Variants in NLGN4X observed in about 807,000 individuals in gnomAD.
NLGN4X encodes neuroligin-4, X-linked.
NLGN4X carries 3 observed loss-of-function variants against 40.3 expected under a neutral mutation model. The ratio of observed to expected loss-of-function variants is 0.07; its 90% CI spans 0.03 to 0.19. The LOEUF is 0.19. Ranked by LOEUF, NLGN4X falls within the 10% of genes least tolerant of loss-of-function variation. The pLI is 1.00. For missense variants in NLGN4X, 382 were observed against 708.3 expected, an observed-to-expected ratio of 0.54 and a Z score of 5.23; for synonymous variants, 270 against 306.8, an observed-to-expected ratio of 0.88 and a Z score of 1.25.
At chrX:5,967,143 G>A (rs1337982180) in intron 3 of NLGN4X, among the ~76,000 whole-genome samples, 1 of 111,172 alleles carries the variant, frequency 9.0e-6, no homozygotes, top group East Asian at 2.8e-4. Context: ...TATCATGGGG[G>A]GAAGAGATTA....
intron 3 of NLGN4X, among the ~76,000 whole-genome samples, chrX:5,935,877 C>T (rs1023503016): frequency 2.7e-5 from 3 of 111,336 alleles, no homozygotes; most frequent in Non-Finnish European, 5.7e-5. Flanking sequence ...AAAAGCAGAG[C>T]GAACAATATA....
In NLGN4X at chrX:5,892,878, G is replaced by T. The variant is rs1232376219; in HGVS notation, c.2390C>A (p.Thr797Asn). 2.5e-6 allele frequency: 3 copies of T among 1,211,350 alleles called. No individual in the cohort carries two copies. Among genetic ancestry groups the T allele is most frequent in the Non-Finnish European group, 3.4e-6 (3 of 895,359 alleles). The change falls in exon 6 of 6, where the codon ACC (threonine) becomes AAC (asparagine). Residue 797 changes from threonine (T) to asparagine (N), a missense_variant. Physicochemically the swap from Thr to Asn is moderately conservative, Grantham distance 65. This residue lies in a region of NLGN4X where 57 missense variants were observed against 65.6 expected (regional missense o/e 0.87). Transcript: ENST00000381095. ...TGTACTGTTTTGTCCTCCACTGAAG[G>T]TGTTAAAAGTGTGCAAAGGCTGCAT... is the stretch of plus-strand genomic sequence containing the variant. ...TGMQPLHTFN[T>N]FSGGQNSTNL...
chrX:5,904,943 C>T (rs1237057374), intron 4 of NLGN4X, among the ~76,000 whole-genome samples: 1 of 111,001 alleles, frequency 9.0e-6, no homozygotes, highest in Non-Finnish European at 1.9e-5. Flanking sequence ...AGATGACACA[C>T]AGGACCGCAA....
chrX:6,184,815 T>G (rs759041129), intron 1 of NLGN4X, among the ~76,000 whole-genome samples: 1 of 112,596 alleles, frequency 8.9e-6, no homozygotes, highest in East Asian at 2.8e-4. Context: ...GTGAAGGAAC[T>G]CCACTCAGGA....
chrX:6,046,656 T>C (rs2037325317), intron 2 of NLGN4X, among the ~76,000 whole-genome samples: 1 of 111,071 alleles, frequency 9.0e-6, no homozygotes, highest in Non-Finnish European at 1.9e-5. Flanking sequence ...TTGCTGCATA[T>C]ATATATGCGC....
chrX:6,066,578 G>A (rs2037922267), intron 2 of NLGN4X, among the ~76,000 whole-genome samples: 1 of 110,710 alleles, frequency 9.0e-6, no homozygotes, highest in African/African-American at 3.3e-5. Context: ...GAGGTCAGGA[G>A]TTCGAGACCA....
At chrX:6,202,962 C>T (rs1923757293) in intron 1 of NLGN4X, among the ~76,000 whole-genome samples, 1 of 112,323 alleles carries the variant, frequency 8.9e-6, no homozygotes, top group Admixed American at 9.4e-5. Flanking sequence ...TCCAATGCCT[C>T]TGCAGAGCCT....
At chrX:6,047,192 T>A (rs1356175174) in intron 2 of NLGN4X, among the ~76,000 whole-genome samples, 1 of 111,136 alleles carries the variant, frequency 9.0e-6, no homozygotes, top group African/African-American at 3.3e-5. Context: ...GTAGTGGTCT[T>A]AGCAAGTGTG....
intron 1 of NLGN4X, among the ~76,000 whole-genome samples, chrX:6,212,151 C>G: frequency 9.2e-6 from 1 of 108,742 alleles, no homozygotes; most frequent in Non-Finnish European, 1.9e-5. Context: ...GAGGCTGAGA[C>G]AGGAGAATGG....
intron 3 of NLGN4X, among the ~76,000 whole-genome samples, chrX:5,994,720 T>C (rs760981019): frequency 2.7e-5 from 3 of 112,016 alleles, no homozygotes; most frequent in South Asian, 3.7e-4. Flanking sequence ...AATGCAGTGA[T>C]CCCTAAGGGA....
At chrX:6,139,935 T>C (rs1206897701) in intron 2 of NLGN4X, among the ~76,000 whole-genome samples, 1 of 111,486 alleles carries the variant, frequency 9.0e-6, no homozygotes, top group Non-Finnish European at 1.9e-5. Flanking sequence ...AGAGTCTAGA[T>C]TGGAATTAGG....
At chrX:5,899,158 T>C (rs928291020) in intron 5 of NLGN4X, among the ~76,000 whole-genome samples, 1 of 112,494 alleles carries the variant, frequency 8.9e-6, no homozygotes, top group African/African-American at 3.2e-5. Context: ...TGAGGAATCA[T>C]TTGAGTCATT....
chrX:5,927,902 A>G (rs2033393518), intron 3 of NLGN4X, among the ~76,000 whole-genome samples: 3 of 112,661 alleles, frequency 2.7e-5, no homozygotes, highest in Admixed American at 9.4e-5. Flanking sequence ...CCAGCTATAC[A>G]GGTTAAAACA....
intron 1 of NLGN4X, among the ~76,000 whole-genome samples, chrX:6,222,716 A>G (rs999359626): frequency 5.3e-5 from 6 of 112,705 alleles, no homozygotes; most frequent in African/African-American, 1.9e-4. Context: ...CTTGGATTGT[A>G]GCTCCCATAA....
At chrX:6,173,460 A>C (rs894227746) in intron 1 of NLGN4X, among the ~76,000 whole-genome samples, 5 of 111,748 alleles carry the variant, frequency 4.5e-5, no homozygotes, top group Non-Finnish European at 7.5e-5. Context: ...ATGAAACCAA[A>C]AAAAGATGAC....
At chrX:6,215,273 G>A (rs1023286539) in intron 1 of NLGN4X, among the ~76,000 whole-genome samples, 23 of 111,390 alleles carry the variant, frequency 2.1e-4, no homozygotes, top group African/African-American at 7.5e-4. Flanking sequence ...AATCACGGCC[G>A]GGCATGGTGG....
chrX:6,140,771 G>A (rs2039933650), intron 2 of NLGN4X, among the ~76,000 whole-genome samples: 1 of 107,094 alleles, frequency 9.3e-6, no homozygotes, highest in African/African-American at 3.4e-5. Flanking sequence ...TAAGGACAGG[G>A]TTTTGTCATG....
intron 3 of NLGN4X, among the ~76,000 whole-genome samples, chrX:5,956,228 TA>T (rs1257307133): frequency 9.2e-6 from 1 of 108,487 alleles, no homozygotes; most frequent in Non-Finnish European, 1.9e-5. Flanking sequence ...CACATATATA[TA>T]AATATATAAT....
chrX:6,009,870 T>C (rs2036203097), intron 3 of NLGN4X, among the ~76,000 whole-genome samples: 3 of 112,609 alleles, frequency 2.7e-5, no homozygotes, highest in Non-Finnish European at 5.6e-5. Flanking sequence ...GAGAATCTGC[T>C]CTCTGTTCAC....
Sources: gnomAD v4.1 joint callset for allele counts (sites outside exome capture counted in the v4.1 genomes callset) on GRCh38, gnomAD v4.1.1 for gene constraint, gnomAD v4.1.1 regional missense constraint, MANE v1.5 for transcripts, NCBI Gene and HGNC (gene_info 2026-07-23, HGNC 2026-07-21) for gene names.